PTPRQ: variants seen among roughly 807,000 people sequenced by gnomAD.
The protein encoded by PTPRQ is phosphatidylinositol phosphatase PTPRQ.
A neutral mutation model predicts 246.0 loss-of-function variants in PTPRQ; 199 were observed. That is an observed-to-expected ratio of 0.81 (90% confidence interval 0.72 to 0.91). The LOEUF (loss-of-function observed/expected upper bound fraction) is 0.91. Among genes scored for constraint, PTPRQ ranks in the 40% least tolerant of loss-of-function variants. The pLI is 0.00. For synonymous variants in PTPRQ, 869 were observed against 853.2 expected (o/e 1.02, Z -0.32); for missense variants, 2,624 against 2,528.4 (o/e 1.04, Z -0.81).
intron 37 of PTPRQ, among the ~76,000 whole-genome samples, chr12:80,652,272 A>G (rs1318830657): frequency 6.6e-6 from 1 of 152,068 alleles, no homozygotes; most frequent in Non-Finnish European, 1.5e-5. Context: ...AGCAATGCTT[A>G]TTAAGAGCAG....
intron 17 of PTPRQ, among the ~76,000 whole-genome samples, chr12:80,516,655 T>C (rs1895308099): frequency 6.6e-6 from 1 of 152,234 alleles, no homozygotes; most frequent in Admixed American, 6.5e-5. Context: ...AATGGACTTC[T>C]GAATCCTAAA....
chr12:80,667,507 A>G (rs575928567), intron 39 of PTPRQ, among the ~76,000 whole-genome samples: 2 of 151,950 alleles, frequency 1.3e-5, no homozygotes, highest in South Asian at 4.1e-4. Flanking sequence ...TGTAATTTGC[A>G]TACATAATAT....
chr12:80,679,198 C>T lies in PTPRQ; in HGVS notation c.*175C>T. The stretch of plus-strand genomic sequence containing the variant: ...GACTAGTTCTTGAAAATAGCTAATA[C>T]AGAATAATTATTTGTTTTGTACAGA... On this transcript the variant is annotated 3_prime_UTR_variant, in exon 45 of 45. Transcript: ENST00000644991. 2 of 614,146 alleles carry T rather than the reference C, an allele frequency of 3.3e-6. No individual in the cohort carries two copies. Among genetic ancestry groups the T allele is most frequent in the Non-Finnish European group, 5.0e-6 (2 of 399,452 alleles). 38.0% of individuals were successfully genotyped at this position (614,146 alleles called of 1,614,324 possible).
intron 9 of PTPRQ, among the ~76,000 whole-genome samples, chr12:80,489,469 T>C (rs1894378439): frequency 6.6e-6 from 1 of 152,000 alleles, no homozygotes; most frequent in Admixed American, 6.6e-5. Flanking sequence ...ACAACAATAA[T>C]AAACAATGAT....
intron 37 of PTPRQ, among the ~76,000 whole-genome samples, chr12:80,649,944 T>C (rs1900203024): frequency 6.6e-6 from 1 of 152,166 alleles, no homozygotes; most frequent in African/African-American, 2.4e-5. Flanking sequence ...TGCTCTTTCA[T>C]CCAGATGTAG....
chr12:80,657,322 A>G lies in PTPRQ; in HGVS notation c.6116-663A>G, dbSNP rs554061325. Among the ~76,000 whole-genome samples the G allele has an allele frequency of 2.0e-5, 3 of 152,014 alleles. No homozygotes were observed. The East Asian group carries it at 5.8e-4, about 29-fold the overall frequency. On this transcript the variant is annotated intron_variant, in intron 38 of 44. Transcript: ENST00000644991. Reference sequence around the variant, plus strand: ...ATCAATTTGTATTTGTACAAAGAACATAAAGTGTTTAATAATACCTTGTGA... The same window carrying G: ...ATCAATTTGTATTTGTACAAAGAACGTAAAGTGTTTAATAATACCTTGTGA...
At chr12:80,522,016 T>C (rs1017972712) in intron 17 of PTPRQ, among the ~76,000 whole-genome samples, 5 of 152,204 alleles carry the variant, frequency 3.3e-5, no homozygotes, top group Non-Finnish European at 4.4e-5. Flanking sequence ...CTTCCATTTG[T>C]TTGTATCCTC....
intron 18 of PTPRQ, 88 bp downstream of exon 18, chr12:80,534,263 G>C: frequency 7.8e-7 from 1 of 1,283,324 alleles, no homozygotes. Flanking sequence ...ATATCAAAAT[G>C]TATGATGAAG....
intron 33 of PTPRQ, among the ~76,000 whole-genome samples, chr12:80,625,112 G>A (rs983333179): frequency 1.3e-5 from 2 of 152,144 alleles, no homozygotes; most frequent in Non-Finnish European, 2.9e-5. Flanking sequence ...TTCTCCAATG[G>A]TTAGTGGCAA....
At chr12:80,460,515 G>C (rs546261858) in intron 5 of PTPRQ, 138 bp from the exon 6 acceptor site, 2 of 391,888 alleles carry the variant, frequency 5.1e-6, no homozygotes, top group African/African-American at 2.1e-5. Context: ...TTAAAATCTA[G>C]CAAATTTGTC....
In PTPRQ at chr12:80,541,555, T is replaced by C. The variant is rs1896151167; in HGVS notation, c.3155T>C (p.Ile1052Thr). The C allele has an allele frequency of 4.0e-6, 6 of 1,504,824 alleles. No individual in the cohort carries two copies. The highest frequency in any genetic ancestry group is 5.3e-6 in the Non-Finnish European group (6 of 1,124,740). 93.2% of individuals were successfully genotyped at this position (1,504,824 alleles called of 1,614,324 possible). A position where few individuals can be genotyped will look rare whatever the true frequency, so the allele number is the denominator to read the frequency against. Residue 1052 changes from isoleucine to threonine, a missense_variant and splice_region_variant, in exon 21 of 45, where the codon ATA becomes ACA. Transcript: ENST00000644991. ...GTATTTTGCCCATTACCTATCATAG[T>C]ACCTGAAGGGTTTGTTGGAAACCTG... ...DIIEVYTDQD[I>T]PEGFVGNLTY...
intron 17 of PTPRQ, among the ~76,000 whole-genome samples, chr12:80,512,186 G>GA (rs538281923): frequency 1.3e-5 from 2 of 152,112 alleles, no homozygotes; most frequent in Admixed American, 1.3e-4. Context: ...GATTAAGTTA[G>GA]AAAAAAATTT....
At position 80,546,707 on chromosome 12, in the gene PTPRQ, A is replaced by G; in HGVS notation, c.4015+10A>G. 1 of 1,544,314 alleles carries G rather than the reference A, an allele frequency of 6.5e-7. No individual in the cohort carries two copies. Among genetic ancestry groups the G allele is most frequent in the Non-Finnish European group, 8.7e-7 (1 of 1,145,026 alleles). On this transcript the variant is annotated intron_variant, in intron 24 of 44. Coordinates refer to ENST00000644991, the MANE Select transcript of PTPRQ (RefSeq NM_001145026.2). Reference sequence around the variant, plus strand: ...ACAACCCAAGAATCAGGTTAGATACAGTTTTTGAGCCTAAAATGTTTCTTT... The same window carrying G: ...ACAACCCAAGAATCAGGTTAGATACGGTTTTTGAGCCTAAAATGTTTCTTT...
intron 27 of PTPRQ, among the ~76,000 whole-genome samples, chr12:80,605,455 G>C (rs191769991): frequency 4.0e-5 from 6 of 151,232 alleles, no homozygotes; most frequent in African/African-American, 1.5e-4. Context: ...ATTATAATAT[G>C]TTTTATCAGT....
chr12:80,607,161 C>T (rs1190166697), intron 27 of PTPRQ, among the ~76,000 whole-genome samples: 1 of 150,824 alleles, frequency 6.6e-6, no homozygotes, highest in Non-Finnish European at 1.5e-5. Flanking sequence ...GCAATATTTT[C>T]ATATAAACAT....
intron 33 of PTPRQ, 98 bp downstream of exon 33, chr12:80,622,232 A>AT: frequency 1.0e-6 from 1 of 986,996 alleles, no homozygotes; most frequent in Non-Finnish European, 1.4e-6. Context: ...ATGTTTTAAA[A>AT]TATAAACTCA....
chr12:80,572,788 T>C (rs1411834761), intron 25 of PTPRQ, among the ~76,000 whole-genome samples: 1 of 152,100 alleles, frequency 6.6e-6, no homozygotes, highest in East Asian at 1.9e-4. Flanking sequence ...TTTATTCTCT[T>C]GCTGTGATAA....
intron 25 of PTPRQ, among the ~76,000 whole-genome samples, chr12:80,571,218 C>G (rs1449111092): frequency 1.3e-5 from 2 of 152,154 alleles, no homozygotes; most frequent in Non-Finnish European, 2.9e-5. Context: ...GATCTTGGCT[C>G]ACTGCAACCT....
rs147541734 is a variant in PTPRQ at position 80,506,078 on chromosome 12, T to G, written c.2327T>G (p.Ile776Ser). Residue 776 changes from isoleucine to serine, a missense_variant, in exon 15 of 45, where the codon ATT becomes AGT. Transcript: ENST00000644991. ...TACAAAAATATTTCTTCTGGAGAGA[T>G]TGAGCTATCATTCCTTCCCCCAAGT... is the stretch of plus-strand genomic sequence containing the variant. ...ITYKNISSGE[I>S]ELSFLPPSSP... is the part of the protein sequence containing the mutation. 1 of 1,547,214 alleles carries G rather than the reference T, an allele frequency of 6.5e-7. No individual in the cohort carries two copies. The highest frequency in any genetic ancestry group is 1.2e-5 in the South Asian group (1 of 82,718).
Sources: gnomAD v4.1 joint callset for allele counts (sites outside exome capture counted in the v4.1 genomes callset) on GRCh38, gnomAD v4.1.1 for gene constraint, MANE v1.5 for transcripts, NCBI Gene and HGNC (gene_info 2026-07-23, HGNC 2026-07-21) for gene names.